FRMD5: variants seen among roughly 807,000 people sequenced by gnomAD.
FRMD5 encodes FERM domain-containing protein 5.
FRMD5 carries 20 observed loss-of-function variants against 69.0 expected under a neutral mutation model. That is an observed-to-expected ratio of 0.29 (90% CI 0.20 to 0.42). The LOEUF is 0.42. Among genes scored for constraint, FRMD5 ranks in the 10% least tolerant of loss-of-function variants. The pLI, the probability that FRMD5 is intolerant of heterozygous loss-of-function variation, is 1.00. For synonymous variants in FRMD5, 271 were observed against 260.1 expected (o/e 1.04, Z -0.40); for missense variants, 595 against 708.6 (o/e 0.84, Z 1.82).
chr15:43,970,127 T>C (rs543988771), intron 1 of FRMD5, among the ~76,000 whole-genome samples: 110 of 152,366 alleles, frequency 7.2e-4, no homozygotes, highest in African/African-American at 2.5e-3. Context: ...ATGAACTAGA[T>C]GGAGTTCTAA....
intron 1 of FRMD5, among the ~76,000 whole-genome samples, chr15:44,047,015 A>G (rs1892455143): frequency 6.6e-6 from 1 of 152,218 alleles, no homozygotes; most frequent in East Asian, 1.9e-4. Context: ...TTAGTCAATG[A>G]AAAAACTAAG....
chr15:43,889,934 T>G (rs1165607422), intron 8 of FRMD5, among the ~76,000 whole-genome samples: 1 of 152,146 alleles, frequency 6.6e-6, no homozygotes, highest in Non-Finnish European at 1.5e-5. Context: ...TAGGAAATAG[T>G]AGAAAGGTAG....
chr15:44,105,085 T>TC (rs1349170031), intron 1 of FRMD5, among the ~76,000 whole-genome samples: 1 of 80,224 alleles, frequency 1.2e-5, no homozygotes, highest in Non-Finnish European at 2.9e-5. Context: ...CAAATTCTTT[T>TC]CTTTTTTTTT....
At chr15:44,143,091 C>CAA in intron 1 of FRMD5, among the ~76,000 whole-genome samples, 1 of 133,700 alleles carries the variant, frequency 7.5e-6, no homozygotes, top group East Asian at 2.1e-4. Context: ...GACTCCGTCT[C>CAA]AAAAAAAAAA....
At chr15:44,132,199 C>T (rs899181048) in intron 1 of FRMD5, among the ~76,000 whole-genome samples, 9 of 152,096 alleles carry the variant, frequency 5.9e-5, no homozygotes, top group Non-Finnish European at 8.8e-5. Context: ...GGAGCTCAGG[C>T]GGTAACGTGA....
chr15:44,186,834 G>C (rs917811802), intron 1 of FRMD5, among the ~76,000 whole-genome samples: 2 of 152,200 alleles, frequency 1.3e-5, no homozygotes. Context: ...TTTCTTGGAG[G>C]TTCCCATCCC....
At chr15:43,985,982 G>A (rs916328222) in intron 1 of FRMD5, among the ~76,000 whole-genome samples, 1 of 152,230 alleles carries the variant, frequency 6.6e-6, no homozygotes, top group Middle Eastern at 3.2e-3. Context: ...GGAATTGACT[G>A]AGGTTGTCCT....
intron 1 of FRMD5, among the ~76,000 whole-genome samples, chr15:43,991,452 G>C (rs1366137022): frequency 6.6e-6 from 1 of 152,200 alleles, no homozygotes. Flanking sequence ...TGCTGCTGCT[G>C]CTACTGCTGC....
intron 1 of FRMD5, among the ~76,000 whole-genome samples, chr15:44,168,624 ATCTT>A (rs1437940264): frequency 6.6e-6 from 1 of 152,194 alleles, no homozygotes; most frequent in African/African-American, 2.4e-5. Context: ...AATAAACTGT[ATCTT>A]TATTGTCCAA....
At chr15:43,942,452 C>A (rs545429012) in intron 1 of FRMD5, among the ~76,000 whole-genome samples, 19 of 152,252 alleles carry the variant, frequency 1.2e-4, no homozygotes, top group African/African-American at 4.6e-4. Context: ...CTTTGACAAT[C>A]CAAACTTAGG....
At chr15:44,033,588 G>C (rs1407571906) in intron 1 of FRMD5, among the ~76,000 whole-genome samples, 1 of 152,038 alleles carries the variant, frequency 6.6e-6, no homozygotes, top group Non-Finnish European at 1.5e-5. Flanking sequence ...GTTTACACTT[G>C]CTTTGTAAGA....
At chr15:44,089,822 T>C (rs1380126270) in intron 1 of FRMD5, among the ~76,000 whole-genome samples, 1 of 152,110 alleles carries the variant, frequency 6.6e-6, no homozygotes, top group Non-Finnish European at 1.5e-5. Context: ...GAAAGATGTC[T>C]GTAGTGCATG....
At chr15:44,194,729 G>A (rs1354963311) in intron 1 of FRMD5, 1 of 640,012 alleles carries the variant, frequency 1.6e-6, no homozygotes, top group Non-Finnish European at 2.8e-6. Flanking sequence ...GGTGTGGGAC[G>A]CGGAGACTCG....
intron 1 of FRMD5, among the ~76,000 whole-genome samples, chr15:44,089,575 C>T (rs1595709768): frequency 6.6e-6 from 1 of 152,028 alleles, no homozygotes; most frequent in African/African-American, 2.4e-5. Flanking sequence ...TGGTGGCATG[C>T]ACCTGTAGTC....
intron 1 of FRMD5, among the ~76,000 whole-genome samples, chr15:44,009,632 T>C (rs1375232739): frequency 1.3e-5 from 2 of 152,184 alleles, no homozygotes; most frequent in Non-Finnish European, 2.9e-5. Flanking sequence ...TGAGCCGTGA[T>C]TGTGCCACTG....
chr15:43,990,542 T>C (rs923956332), intron 1 of FRMD5, among the ~76,000 whole-genome samples: 4 of 152,378 alleles, frequency 2.6e-5, no homozygotes, highest in East Asian at 3.8e-4. Flanking sequence ...AATTTTCTCA[T>C]TGATTATTAA....
intron 1 of FRMD5, chr15:43,989,459 C>A (rs1199628520): frequency 2.7e-5 from 22 of 805,440 alleles, no homozygotes; most frequent in Non-Finnish European, 4.7e-5. Context: ...GGCCGTCGGG[C>A]AGCTTGTAGC....
intron 7 of FRMD5, among the ~76,000 whole-genome samples, chr15:43,897,807 G>A (rs1286066452): frequency 6.6e-6 from 1 of 152,148 alleles, no homozygotes; most frequent in Admixed American, 6.5e-5. Flanking sequence ...TGACAGGGGA[G>A]GGACCTGGTG....
intron 1 of FRMD5, among the ~76,000 whole-genome samples, chr15:43,994,731 G>A (rs1476932650): frequency 6.6e-6 from 1 of 152,162 alleles, no homozygotes; most frequent in African/African-American, 2.4e-5. Context: ...TGCACCCTGC[G>A]CTTAGCATTT....
Sources: allele counts gnomAD v4.1 joint callset (sites outside exome capture counted in the v4.1 genomes callset), GRCh38; gene constraint gnomAD v4.1.1; transcripts MANE v1.5; gene names NCBI Gene and HGNC (gene_info 2026-07-23, HGNC 2026-07-21).